The following ARHGAP6 variants were observed in gnomAD, a reference collection of about 807,000 sequenced individuals.
The protein encoded by ARHGAP6 is Rho GTPase activating protein 6.
Under a neutral mutation model 55.7 loss-of-function variants are expected in ARHGAP6, and 16 were observed. The ratio of observed to expected loss-of-function variants is 0.29; its 90% CI spans 0.19 to 0.44. ARHGAP6 has a LOEUF of 0.44. Among genes scored for constraint, ARHGAP6 ranks in the 20% least tolerant of loss-of-function variants. ARHGAP6 has a pLI of 1.00. For missense variants in ARHGAP6, 698 were observed against 808.9 expected (o/e 0.86, Z 1.66); for synonymous variants, 382 against 360.9 (o/e 1.06, Z -0.66).
intron 1 of ARHGAP6, among the ~76,000 whole-genome samples, chrX:11,404,365 C>T (rs1010897929): frequency 1.8e-5 from 2 of 111,818 alleles, no homozygotes; most frequent in Admixed American, 9.5e-5. Context: ...AAGGCAAGCA[C>T]GAGAATCATT....
chrX:11,138,044 ATATATAT>A lies in ARHGAP6; in HGVS notation c.*812_*818del, dbSNP rs1312503503. On this transcript the variant is annotated 3_prime_UTR_variant, in exon 13 of 13. Transcript: ENST00000337414. ...AATACATAAAAATTATACATTATAA[ATATATAT>A]TATATATGGCCTATATAAAACTGAA... The A allele has an allele frequency of 3.6e-5, 4 of 111,921 alleles. No individual in the cohort carries two copies. Among genetic ancestry groups the A allele is most frequent in the Non-Finnish European group, 7.5e-5 (4 of 53,202 alleles). The allele number at this position is 111,921 out of a possible 1,213,427, so 9.2% of individuals were successfully genotyped here.
chrX:11,452,406 C>T (rs896516286), intron 1 of ARHGAP6, among the ~76,000 whole-genome samples: 13 of 111,721 alleles, frequency 1.2e-4, no homozygotes, highest in African/African-American at 3.9e-4. Context: ...CCTCAGCCTC[C>T]CAAAGTTCTA....
chrX:11,647,091 C>T (rs2052536529), intron 1 of ARHGAP6, among the ~76,000 whole-genome samples: 1 of 112,013 alleles, frequency 8.9e-6, no homozygotes, highest in Non-Finnish European at 1.9e-5. Context: ...AAGCACCTTC[C>T]GATACCATAC....
Position 11,327,263 on chromosome X carries a change from T to A in ARHGAP6, c.589-72556A>T, listed in dbSNP as rs183595657. On this transcript the variant is annotated intron_variant, in intron 1 of 12. Transcript: ENST00000337414. ...GTAAGAAAAGGACATCTGACATTCA[T>A]TCCTGCTAAGAAAGAAAAGAAAATC... 5.5e-4 allele frequency among the ~76,000 whole-genome samples: 62 copies of A among 112,534 alleles called. No homozygotes were observed. In the East Asian group the frequency reaches 0.011, roughly 21 times the overall value.
At chrX:11,478,106 A>G (rs1418462441) in intron 1 of ARHGAP6, among the ~76,000 whole-genome samples, 1 of 111,792 alleles carries the variant, frequency 8.9e-6, no homozygotes, top group East Asian at 2.8e-4. Context: ...AATAATTAGA[A>G]CTCCTGTACA....
chrX:11,328,252 T>C (rs1429177090), intron 1 of ARHGAP6, among the ~76,000 whole-genome samples: 1 of 112,133 alleles, frequency 8.9e-6, no homozygotes, highest in Non-Finnish European at 1.9e-5. Context: ...GTACAGGAGA[T>C]ACAGTTATGG....
chrX:11,380,347 T>C (rs2049248185), intron 1 of ARHGAP6, among the ~76,000 whole-genome samples: 2 of 111,803 alleles, frequency 1.8e-5, no homozygotes, highest in Admixed American at 1.9e-4. Context: ...TTCCTGGATT[T>C]GTAATTGCAC....
intron 1 of ARHGAP6, among the ~76,000 whole-genome samples, chrX:11,469,402 C>A (rs780063978): frequency 8.9e-6 from 1 of 112,295 alleles, no homozygotes; most frequent in African/African-American, 3.2e-5. Flanking sequence ...CTGTTTTAAA[C>A]AAATTTGATT....
At chrX:11,568,472 A>G (rs913555771) in intron 1 of ARHGAP6, among the ~76,000 whole-genome samples, 1 of 112,660 alleles carries the variant, frequency 8.9e-6, no homozygotes, top group Non-Finnish European at 1.9e-5. Context: ...ACTGGTAGTA[A>G]TAGAAAACTG....
chrX:11,237,617 A>T (rs182095773), intron 2 of ARHGAP6, among the ~76,000 whole-genome samples: 118 of 111,746 alleles, frequency 1.1e-3, no homozygotes, highest in African/African-American at 3.5e-3. Flanking sequence ...CTTTGAAAAA[A>T]ATCCTGCTGA....
chrX:11,378,544 T>C (rs1021383000), intron 1 of ARHGAP6, among the ~76,000 whole-genome samples: 1 of 112,645 alleles, frequency 8.9e-6, no homozygotes, highest in African/African-American at 3.2e-5. Context: ...TCCAGTTCCA[T>C]AATACTACAA....
At chrX:11,246,806 G>A (rs1372718788) in intron 2 of ARHGAP6, among the ~76,000 whole-genome samples, 2 of 111,971 alleles carry the variant, frequency 1.8e-5, no homozygotes, top group Admixed American at 9.5e-5. Context: ...AGTGGATTTT[G>A]TGGATTCTGC....
intron 1 of ARHGAP6, among the ~76,000 whole-genome samples, chrX:11,479,473 T>C (rs1258036579): frequency 1.8e-5 from 2 of 111,711 alleles, no homozygotes; most frequent in Non-Finnish European, 3.8e-5. Flanking sequence ...AAATGTGACA[T>C]TCTGATTACA....
chrX:11,346,024 T>A (rs1332321209), intron 1 of ARHGAP6, among the ~76,000 whole-genome samples: 1 of 109,677 alleles, frequency 9.1e-6, no homozygotes, highest in African/African-American at 3.3e-5. Flanking sequence ...GGACACAAAC[T>A]CCTGGGGCAC....
chrX:11,436,314 T>C (rs2049986684), intron 1 of ARHGAP6, among the ~76,000 whole-genome samples: 1 of 112,446 alleles, frequency 8.9e-6, no homozygotes, highest in Non-Finnish European at 1.9e-5. Flanking sequence ...AGTCCCATTT[T>C]TGCAGTGGAA....
At chrX:11,276,314 C>G (rs1451144075) in intron 1 of ARHGAP6, among the ~76,000 whole-genome samples, 1 of 111,693 alleles carries the variant, frequency 9.0e-6, no homozygotes, top group East Asian at 2.8e-4. Context: ...CCTGGCTAGA[C>G]TGTAGGTTCT....
At chrX:11,142,454 C>A in intron 11 of ARHGAP6, 141 bp from the exon 12 acceptor site, 1 of 319,459 alleles carries the variant, frequency 3.1e-6, no homozygotes. Flanking sequence ...TCAGATCCAC[C>A]TTTCAGCGTG....
chrX:11,213,883 A>G (rs138311786), intron 2 of ARHGAP6, among the ~76,000 whole-genome samples: 182 of 112,262 alleles, frequency 1.6e-3, no homozygotes, highest in African/African-American at 4.1e-3. Flanking sequence ...TTAAACTTAT[A>G]TAAATAAATA....
intron 3 of ARHGAP6, among the ~76,000 whole-genome samples, chrX:11,195,135 C>T (rs1194864190): frequency 5.4e-5 from 6 of 111,300 alleles, no homozygotes; most frequent in South Asian, 3.8e-4. Flanking sequence ...GGGAGGAGCA[C>T]GAGGTCAAGA....
Sources: allele counts gnomAD v4.1 joint callset (sites outside exome capture counted in the v4.1 genomes callset), GRCh38; gene constraint gnomAD v4.1.1; transcripts MANE v1.5; gene names NCBI Gene and HGNC (gene_info 2026-07-23, HGNC 2026-07-21).